CAP1: variants seen among roughly 807,000 people sequenced by gnomAD.
CAP1 encodes the protein cyclase associated actin cytoskeleton regulatory protein 1.
A neutral mutation model predicts 58.2 loss-of-function variants in CAP1; 11 were observed. That is an observed-to-expected ratio of 0.19 (90% CI 0.12 to 0.31). The LOEUF (loss-of-function observed/expected upper bound fraction) is 0.31. Among genes scored for constraint, CAP1 ranks in the 10% least tolerant of loss-of-function variants. CAP1 has a pLI of 1.00. For missense variants in CAP1, 423 were observed against 587.5 expected, an observed-to-expected ratio of 0.72 and a Z score of 2.89; for synonymous variants, 183 against 213.8, an observed-to-expected ratio of 0.86 and a Z score of 1.26.
At chr1:40,071,086 A>C in intron 12 of CAP1, 107 bp downstream of exon 12, 2 of 1,043,924 alleles carry the variant, frequency 1.9e-6, no homozygotes, top group African/African-American at 1.6e-5. Flanking sequence ...GCAGGTAAAA[A>C]CCCAATAATG....
Position 40,072,252 on chromosome 1 carries a change from GAAAA to G in CAP1, c.*735_*738del. Reference sequence around the variant, plus strand: ...CTTCCTATAGAGATGACTTTAAAAGGAAAAAAAAAAAAAAAAAAACCCACATGAT... The same window carrying G: ...CTTCCTATAGAGATGACTTTAAAAGGAAAAAAAAAAAAAAACCCACATGAT... On this transcript the variant is annotated 3_prime_UTR_variant, in exon 13 of 13. Coordinates refer to ENST00000372805, the MANE Select transcript of CAP1 (RefSeq NM_006367.4). The G allele has an allele frequency of 1.1e-4, 18 of 160,212 alleles. No individual in the cohort carries two copies. The highest frequency in any genetic ancestry group is 1.3e-4 in the Admixed American group (1 of 7,720). The allele number at this position is 160,212 out of a possible 1,614,324, so 9.9% of individuals were successfully genotyped here.
intron 1 of CAP1, among the ~76,000 whole-genome samples, chr1:40,054,760 G>T (rs1199968093): frequency 1.3e-5 from 2 of 152,132 alleles, no homozygotes; most frequent in East Asian, 3.8e-4. Flanking sequence ...TTGTGCTTCA[G>T]CCACTGTAGT....
chr1:40,070,074 C>A, intron 9 of CAP1, 85 bp from the exon 10 acceptor site: 1 of 1,581,228 alleles, frequency 6.3e-7, no homozygotes. Context: ...GCTTCAATTG[C>A]AAGAACAAAA....
At chr1:40,049,215 GTC>G (rs1471064513) in intron 1 of CAP1, among the ~76,000 whole-genome samples, 5 of 100,066 alleles carry the variant, frequency 5.0e-5, no homozygotes, top group Non-Finnish European at 5.7e-5. Flanking sequence ...GAGACAGAGT[GTC>G]TCTCTGTCGC....
chr1:40,055,465 G>C lies in CAP1; in HGVS notation c.-10-3872G>C, dbSNP rs374045863. Among the ~76,000 whole-genome samples, 4 of 152,256 alleles carry C rather than the reference G, an allele frequency of 2.6e-5. No homozygotes were observed. In the East Asian group the frequency reaches 5.8e-4, roughly 22 times the overall value. ...TGAACAAAGTTTATTACTGTAACTA[G>C]GGGAGACTAGCCAAGAAGTCATTGC... On this transcript the variant is annotated intron_variant, in intron 1 of 12. Coordinates refer to ENST00000372805, the MANE Select transcript of CAP1 (RefSeq NM_006367.4).
rs568578199 is a variant in CAP1 at position 40,061,601 on chromosome 1, G to C, written c.217-134G>C. ...ATTCTGCTCTCAGTCCCTGGAATCTGGAATACATGAGGAGGATAACATGAA... is the reference window on the plus strand; with the variant it reads ...ATTCTGCTCTCAGTCCCTGGAATCTCGAATACATGAGGAGGATAACATGAA... On this transcript the variant is annotated intron_variant, in intron 3 of 12. Transcript: ENST00000372805. 2.3e-4 allele frequency: 173 copies of C among 744,374 alleles called. 5 individuals carry two copies. Among genetic ancestry groups the C allele is most frequent in the South Asian group, 2.1e-3 (145 of 69,520 alleles). The allele number at this position is 744,374 out of a possible 1,614,324, so 46.1% of individuals were successfully genotyped here. A position where few individuals can be genotyped will look rare whatever the true frequency, so the allele number is the denominator to read the frequency against.
intron 1 of CAP1, among the ~76,000 whole-genome samples, chr1:40,043,386 C>T (rs1463212830): frequency 2.6e-5 from 4 of 151,664 alleles, no homozygotes; most frequent in Non-Finnish European, 4.4e-5. Flanking sequence ...TTAGTAGAGA[C>T]GGGATTTTAC....
chr1:40,052,510 A>G (rs1283352746), intron 1 of CAP1, among the ~76,000 whole-genome samples: 5 of 152,188 alleles, frequency 3.3e-5, no homozygotes, highest in African/African-American at 4.8e-5. Context: ...TTAGGCAGAC[A>G]TACAGTTCTC....
At chr1:40,071,024 A>C in intron 12 of CAP1, 45 bp downstream of exon 12, 1 of 1,546,064 alleles carries the variant, frequency 6.5e-7, no homozygotes, top group South Asian at 1.2e-5. Flanking sequence ...AACAGAAGGG[A>C]CTGAAGATTT....
intron 1 of CAP1, among the ~76,000 whole-genome samples, chr1:40,046,706 A>G (rs1646122224): frequency 6.6e-6 from 1 of 152,078 alleles, no homozygotes; most frequent in South Asian, 2.1e-4. Flanking sequence ...ACAAACCTGT[A>G]TAGTATGTTA....
At position 40,040,756 on chromosome 1, in the gene CAP1, G is replaced by C. The variant is rs1645774280; in HGVS notation, c.-56G>C. 1 of 153,006 alleles carries C rather than the reference G, an allele frequency of 6.5e-6. No homozygotes were observed. Among genetic ancestry groups the C allele is most frequent in the Non-Finnish European group, 1.5e-5 (1 of 68,298 alleles). The allele number at this position is 153,006 out of a possible 1,614,324, so 9.5% of individuals were successfully genotyped here. On this transcript the variant is annotated 5_prime_UTR_variant, in exon 1 of 13. Transcript: ENST00000372805. ...GATTGCTGGGCGGTTCTTGCCGGAAGCGGAGAGCGGCTGATCGCAGTCCGG... is the reference window on the plus strand; with the variant it reads ...GATTGCTGGGCGGTTCTTGCCGGAACCGGAGAGCGGCTGATCGCAGTCCGG...
chr1:40,041,209 C>T (rs1009177334), intron 1 of CAP1, among the ~76,000 whole-genome samples: 2 of 152,246 alleles, frequency 1.3e-5, no homozygotes, highest in Non-Finnish European at 2.9e-5. Flanking sequence ...GAATCGGAAT[C>T]ATGATCCTGG....
At chr1:40,063,263 C>T (rs1001288020) in intron 4 of CAP1, among the ~76,000 whole-genome samples, 4 of 151,908 alleles carry the variant, frequency 2.6e-5, no homozygotes, top group Non-Finnish European at 5.9e-5. Flanking sequence ...CTGAAACCTC[C>T]ACCTCCCAGG....
chr1:40,049,930 A>G (rs1646279097), intron 1 of CAP1, among the ~76,000 whole-genome samples: 1 of 152,190 alleles, frequency 6.6e-6, no homozygotes, highest in Non-Finnish European at 1.5e-5. Flanking sequence ...AGTTTAATGC[A>G]CACTTGTTTC....
At position 40,048,997 on chromosome 1, in the gene CAP1, A is replaced by G. The variant is rs61781877; in HGVS notation, c.-11+8196A>G. 3.9e-3 allele frequency among the ~76,000 whole-genome samples: 598 copies of G among 152,148 alleles called. 16 individuals carry two copies. Among genetic ancestry groups the G allele is most frequent in the East Asian group, 0.037 (192 of 5,180 alleles). On this transcript the variant is annotated intron_variant, in intron 1 of 12. Transcript: ENST00000372805. Reference sequence around the variant, plus strand: ...AACATTTCAAGCATAGCAACTTCCTACTCAAGTAGAAATTCATGCTACTGT... The same window carrying G: ...AACATTTCAAGCATAGCAACTTCCTGCTCAAGTAGAAATTCATGCTACTGT...
chr1:40,044,296 T>G (rs1645980479), intron 1 of CAP1, among the ~76,000 whole-genome samples: 1 of 152,214 alleles, frequency 6.6e-6, no homozygotes, highest in Non-Finnish European at 1.5e-5. Context: ...ATCAAATTTT[T>G]TTTTACTTAA....
chr1:40,049,508 G>A (rs1231398767), intron 1 of CAP1, among the ~76,000 whole-genome samples: 2 of 152,036 alleles, frequency 1.3e-5, no homozygotes, highest in African/African-American at 4.8e-5. Context: ...ACTGCGCCAG[G>A]CCTGGTTTTT....
chr1:40,042,894 C>T (rs1010059979), intron 1 of CAP1, among the ~76,000 whole-genome samples: 7 of 152,052 alleles, frequency 4.6e-5, no homozygotes, highest in Non-Finnish European at 8.8e-5. Context: ...GTAAGAATAG[C>T]GCGATTGCCT....
At chr1:40,064,647 G>A in intron 6 of CAP1, 88 bp downstream of exon 6, 1 of 964,482 alleles carries the variant, frequency 1.0e-6, no homozygotes, top group South Asian at 1.3e-5. Flanking sequence ...CACAATCACA[G>A]CTCATTGCAG....
Sources: gnomAD v4.1 joint callset for allele counts (sites outside exome capture counted in the v4.1 genomes callset) on GRCh38, gnomAD v4.1.1 for gene constraint, MANE v1.5 for transcripts, NCBI Gene and HGNC (gene_info 2026-07-23, HGNC 2026-07-21) for gene names.